PYGB: variants seen among roughly 807,000 people sequenced by gnomAD.
PYGB encodes glycogen phosphorylase, brain form.
PYGB carries 82 observed loss-of-function variants against 94.3 expected under a neutral mutation model. The ratio of observed to expected loss-of-function variants is 0.87; its 90% CI spans 0.73 to 1.04. The LOEUF (loss-of-function observed/expected upper bound fraction) is 1.04, where lower values mean the gene tolerates loss of function less well. Among genes scored for constraint, PYGB ranks in the 50% least tolerant of loss-of-function variants. The pLI is 0.00. For missense variants in PYGB, 1,132 were observed against 1,158.2 expected (o/e 0.98, Z 0.33); for synonymous variants, 488 against 479.1 (o/e 1.02, Z -0.24).
At chr20:25,270,093 G>C (rs1288778132) in intron 3 of PYGB, among the ~76,000 whole-genome samples, 1 of 152,040 alleles carries the variant, frequency 6.6e-6, no homozygotes, top group Non-Finnish European at 1.5e-5. Flanking sequence ...TCAGCAGAGG[G>C]CCTGACAGGC....
chr20:25,252,823 G>C (rs1437352766), intron 1 of PYGB, among the ~76,000 whole-genome samples: 1 of 152,194 alleles, frequency 6.6e-6, no homozygotes, highest in Non-Finnish European at 1.5e-5. Context: ...ATTGGCCATT[G>C]GTGATGAGCT....
intron 2 of PYGB, among the ~76,000 whole-genome samples, chr20:25,260,835 C>G (rs67864609): frequency 6.6e-6 from 1 of 152,190 alleles, no homozygotes; most frequent in Non-Finnish European, 1.5e-5. Context: ...AATTATATCC[C>G]GCACCAGGCT....
At chr20:25,258,057 G>A (rs914830845) in intron 1 of PYGB, among the ~76,000 whole-genome samples, 3 of 152,116 alleles carry the variant, frequency 2.0e-5, no homozygotes, top group Admixed American at 6.5e-5. Context: ...AAAGGACTTT[G>A]GAATTTATAC....
Position 25,290,267 on chromosome 20 carries a change from G to A in PYGB, c.1828-214G>A, listed in dbSNP as rs73343058. Among the ~76,000 whole-genome samples, 1,003 of 152,340 alleles carry A rather than the reference G, an allele frequency of 6.6e-3. 15 individuals carry two copies. Among genetic ancestry groups the A allele is most frequent in the African/African-American group, 0.023 (961 of 41,564 alleles). On this transcript the variant is annotated intron_variant, in intron 15 of 19. Transcript: ENST00000216962. Reference sequence around the variant, plus strand: ...AGAAAACCAGACTTGAGGCGGACACGTTTCTGGATGTGGCGAGGTGGCCAC... The same window carrying A: ...AGAAAACCAGACTTGAGGCGGACACATTTCTGGATGTGGCGAGGTGGCCAC...
At chr20:25,279,970 G>A (rs1049025096) in intron 9 of PYGB, among the ~76,000 whole-genome samples, 2 of 152,210 alleles carry the variant, frequency 1.3e-5, no homozygotes, top group African/African-American at 4.8e-5. Context: ...TACCAGTGAC[G>A]GCAGAGTGTG....
At chr20:25,254,997 G>A (rs1164469983) in intron 1 of PYGB, among the ~76,000 whole-genome samples, 3 of 152,222 alleles carry the variant, frequency 2.0e-5, no homozygotes, top group African/African-American at 7.2e-5. Flanking sequence ...CGTAGGTACT[G>A]GAGTGAGAAG....
chr20:25,289,767 C>T (rs1242435529), intron 15 of PYGB: 6 of 522,800 alleles, frequency 1.1e-5, no homozygotes, highest in African/African-American at 1.9e-5. Context: ...ACTGCAGACA[C>T]TCTAGCTCTT....
rs898152585 is a variant in PYGB, at chr20:25,279,075, G to A, written c.1018G>A (p.Asp340Asn). 3.7e-6 allele frequency: 6 copies of A among 1,612,950 alleles called. No homozygotes were observed. The highest frequency in any genetic ancestry group is 2.5e-6 in the Non-Finnish European group (3 of 1,179,168). The change falls in exon 9 of 20, where the codon GAC becomes AAC. Residue 340 changes from aspartate to asparagine, a missense_variant. Coordinates refer to ENST00000216962, the MANE Select transcript of PYGB (RefSeq NM_002862.4). Reference protein sequence around the residue: ...FPDKVAIQLNDTHPALSIPEL... With the variant: ...FPDKVAIQLNNTHPALSIPEL... Reference sequence around the variant, plus strand: ...CCTTCAGGTGGCCATCCAGCTGAACGACACCCACCCCGCCCTCTCCATCCC... The same window carrying A: ...CCTTCAGGTGGCCATCCAGCTGAACAACACCCACCCCGCCCTCTCCATCCC...
At chr20:25,280,081 G>C (rs1378301141) in intron 9 of PYGB, among the ~76,000 whole-genome samples, 185 bp from the exon 10 acceptor site, 2 of 152,244 alleles carry the variant, frequency 1.3e-5, no homozygotes, top group African/African-American at 4.8e-5. Context: ...CAGAGTGAGG[G>C]CTCTGGGCTG....
intron 5 of PYGB, 77 bp from the exon 6 acceptor site, chr20:25,276,561 CCAGGAGGA>C: frequency 8.6e-7 from 1 of 1,158,608 alleles, no homozygotes; most frequent in Non-Finnish European, 1.3e-6. Context: ...CGCCAGGTGC[CCAGGAGGA>C]GGCTGGGCCG....
chr20:25,279,318 A>T (rs2088344565), intron 9 of PYGB, among the ~76,000 whole-genome samples, 169 bp downstream of exon 9: 1 of 151,964 alleles, frequency 6.6e-6, no homozygotes, highest in Admixed American at 6.6e-5. Flanking sequence ...CAGGAGACGG[A>T]GGTTCCGGGG....
In PYGB at chr20:25,294,265, T is replaced by C. The variant is rs534747186; in HGVS notation, c.2285T>C (p.Ile762Thr). 75 of 1,520,158 alleles carry C rather than the reference T, an allele frequency of 4.9e-5. 2 individuals are homozygous for C. The South Asian group carries it at 8.0e-4, about 16-fold the overall frequency. 94.2% of individuals were successfully genotyped at this position (1,520,158 alleles called of 1,614,324 possible). The change falls in exon 18 of 20, where the codon ATC becomes ACC. Residue 762 changes from isoleucine (I) to threonine (T), a missense_variant. By Grantham distance (89) the Ile-to-Thr change is moderately conservative. Coordinates refer to ENST00000216962, the MANE Select transcript of PYGB (RefSeq NM_002862.4). The stretch of plus-strand genomic sequence containing the variant: ...AAGGAGCCAGACTGCTTCAAGGACA[T>C]CGTGAACATGCTGATGCACCATGAC... The part of the protein sequence containing the change: ...SPKEPDCFKD[I>T]VNMLMHHDRF...
In PYGB at chr20:25,297,014, C is replaced by T. The variant is rs2088557601; in HGVS notation, c.*492C>T. ...CCCCAGTCATCCTGCCCAGCCCTGC[C>T]TCCTGGCCATGCCGGGAGGGGTCGG... On this transcript the variant is annotated 3_prime_UTR_variant, in exon 20 of 20. Transcript: ENST00000216962. The T allele has an allele frequency of 6.1e-6, 1 of 164,914 alleles. No individual in the cohort carries two copies. The highest frequency in any genetic ancestry group is 5.6e-5 in the Admixed American group (1 of 17,888). 10.2% of individuals were successfully genotyped at this position (164,914 alleles called of 1,614,324 possible). A position where few individuals can be genotyped will look rare whatever the true frequency, so the allele number is the denominator to read the frequency against.
intron 15 of PYGB, among the ~76,000 whole-genome samples, chr20:25,290,143 A>G (rs2088452875): frequency 6.6e-6 from 1 of 152,204 alleles, no homozygotes; most frequent in South Asian, 2.1e-4. Flanking sequence ...AGTGTGTCCC[A>G]GTATGTCCCT....
chr20:25,264,491 G>T (rs1368452095), intron 2 of PYGB, among the ~76,000 whole-genome samples: 1 of 152,148 alleles, frequency 6.6e-6, no homozygotes, highest in East Asian at 1.9e-4. Context: ...AATTGTCCCT[G>T]TTTGCTGATG....
chr20:25,279,376 G>A (rs1295719350), intron 9 of PYGB, among the ~76,000 whole-genome samples: 1 of 152,172 alleles, frequency 6.6e-6, no homozygotes, highest in Non-Finnish European at 1.5e-5. Flanking sequence ...GGATAGGGCT[G>A]TGACACTTCT....
At chr20:25,288,234 C>T (rs2088434837) in intron 14 of PYGB, 191 bp from the exon 15 acceptor site, 2 of 719,782 alleles carry the variant, frequency 2.8e-6, no homozygotes, top group Non-Finnish European at 5.0e-6. Flanking sequence ...TTGTAAGTGG[C>T]AGGTTCCTGG....
At chr20:25,296,204 G>A (rs1013427796) in intron 19 of PYGB, among the ~76,000 whole-genome samples, 166 bp from the exon 20 acceptor site, 1 of 152,158 alleles carries the variant, frequency 6.6e-6, no homozygotes, top group Non-Finnish European at 1.5e-5. Context: ...CTGGTCCGTG[G>A]GGTCCCCTTT....
chr20:25,251,898 T>C lies in PYGB; in HGVS notation c.243+3477T>C, dbSNP rs188327865. Among the ~76,000 whole-genome samples, 9 of 152,142 alleles carry C rather than the reference T, an allele frequency of 5.9e-5. No homozygotes were observed. The East Asian group carries it at 1.7e-3, about 29-fold the overall frequency. ...TCCTAATGAGATAAACACAATGAAA[T>C]ACGATTAATCTTTTGGTTTGGCTGG... On this transcript the variant is annotated intron_variant, in intron 1 of 19. Transcript: ENST00000216962.
Sources: gnomAD v4.1 joint callset for allele counts (sites outside exome capture counted in the v4.1 genomes callset) on GRCh38, gnomAD v4.1.1 for gene constraint, MANE v1.5 for transcripts, NCBI Gene and HGNC (gene_info 2026-07-23, HGNC 2026-07-21) for gene names.